The following CXCL12 variants were observed in gnomAD, a reference collection of about 807,000 sequenced individuals.
CXCL12 encodes stromal cell-derived factor 1.
A neutral mutation model predicts 10.7 loss-of-function variants in CXCL12; 4 were observed. The observed-to-expected ratio is 0.37, with a 90% CI of 0.18 to 0.86. The LOEUF (loss-of-function observed/expected upper bound fraction) is 0.86, where lower values mean the gene tolerates loss of function less well. CXCL12 is among the 40% of genes least tolerant of loss of function. The probability of loss-of-function intolerance (pLI) is 0.43; values close to 1 mark genes in which losing one functional copy is unlikely to be tolerated. For missense variants in CXCL12, 122 were observed against 110.4 expected (o/e 1.10, Z -0.47); for synonymous variants, 54 against 45.4 (o/e 1.19, Z -0.77).
intron 1 of CXCL12, 27 bp downstream of exon 1, chr10:44,384,918 C>G (rs767905769): frequency 6.5e-7 from 1 of 1,527,234 alleles, no homozygotes; most frequent in Non-Finnish European, 8.7e-7. Context: ...AGAGCCTCGC[C>G]AGGGCCTCCC....
Position 44,378,675 on chromosome 10 carries a change from T to A in CXCL12, c.228A>T (p.Leu76=), listed in dbSNP as rs772680533. 1.2e-6 allele frequency: 2 copies of A among 1,614,230 alleles called. No homozygotes were observed. Among genetic ancestry groups the A allele is most frequent in the Non-Finnish European group, 1.7e-6 (2 of 1,180,046 alleles). Residue 76 remains leucine, a synonymous_variant, in exon 3 of 3, where the codon CTA becomes CTT. Coordinates refer to ENST00000343575, the MANE Select transcript of CXCL12 (RefSeq NM_199168.4). ...NNRQVCIDPK[L]KWIQEYLEKA... is the part of the protein sequence containing the mutation. ...TCTCCAGGTACTCCTGAATCCACTT[T>A]AGCTTCGGGTCAATGCACACTTGTC...
intron 1 of CXCL12, among the ~76,000 whole-genome samples, chr10:44,381,338 C>G (rs1160761902): frequency 2.0e-5 from 3 of 152,238 alleles, no homozygotes; most frequent in African/African-American, 7.2e-5. Context: ...TCTCCTCTGG[C>G]ACAGGCCTCT....
chr10:44,375,778 A>T, downstream of CXCL12: 1 of 1,394,636 alleles, frequency 7.2e-7, no homozygotes, highest in Non-Finnish European at 9.5e-7. Context: ...GCACATAAAT[A>T]CAGAAGCCGG....
downstream of CXCL12, chr10:44,372,954 A>G: frequency 6.5e-7 from 1 of 1,535,906 alleles, no homozygotes; most frequent in Non-Finnish European, 8.7e-7. Context: ...TCTCCACCCT[A>G]GGGCTGACCA....
chr10:44,378,781 C>A (rs958441574), intron 2 of CXCL12, 58 bp from the exon 3 acceptor site: 1 of 1,542,436 alleles, frequency 6.5e-7, no homozygotes, highest in Non-Finnish European at 9.0e-7. Flanking sequence ...GCGGCTGCAA[C>A]GTGTGCATCC....
In CXCL12 at chr10:44,377,459, C is replaced by A; in HGVS notation, c.*1174G>T. 1 of 1,239,242 alleles carries A rather than the reference C, an allele frequency of 8.1e-7. No homozygotes were observed. The highest frequency in any genetic ancestry group is 1.0e-6 in the Non-Finnish European group (1 of 990,104). The allele number at this position is 1,239,242 out of a possible 1,614,324, so 76.8% of individuals were successfully genotyped here. A position where few individuals can be genotyped will look rare whatever the true frequency, so the allele number is the denominator to read the frequency against. ...CCTTGCAAAAAGTTACAAATACCAC[C>A]AGGACCTTCTGTGGATCGCATTTAT... On this transcript the variant is annotated 3_prime_UTR_variant, in exon 3 of 3. Coordinates refer to ENST00000343575, the MANE Select transcript of CXCL12 (RefSeq NM_199168.4).
At chr10:44,370,694 CTT>C (rs1839293992) in exon 4 of CXCL12, 1 of 152,276 alleles carries the variant, frequency 6.6e-6, no homozygotes, top group Non-Finnish European at 1.5e-5. Context: ...AATGGAAAGA[CTT>C]AGAACATCTA....
downstream of CXCL12, chr10:44,376,119 T>C (rs530876601): frequency 6.9e-7 from 1 of 1,447,102 alleles, no homozygotes; most frequent in South Asian, 1.2e-5. Context: ...CTGGCCCGTG[T>C]ACTGGTTAAA....
downstream of CXCL12, chr10:44,376,951 G>A (rs1418280923): frequency 4.6e-6 from 1 of 217,098 alleles, no homozygotes; most frequent in African/African-American, 2.4e-5. Context: ...TTGAGCTGCA[G>A]ATCTAATCTG....
At chr10:44,375,503 A>G (rs1003082111), downstream of CXCL12, among the ~76,000 whole-genome samples, 5 of 152,124 alleles carry the variant, frequency 3.3e-5, no homozygotes, top group African/African-American at 1.2e-4. Flanking sequence ...GTTGCCCTGC[A>G]CACTGGCCAG....
Position 44,380,778 on chromosome 10 carries a change from C to G in CXCL12, c.164G>C (p.Cys55Ser). The change falls in exon 2 of 3, where the codon TGT (cysteine) becomes TCT (serine). Residue 55 changes from cysteine (C) to serine (S), a missense_variant. Physicochemically the swap from Cys to Ser is moderately radical, Grantham distance 112. Transcript: ENST00000343575. ...CAAGACTTACACAATCTGAAGGGCA[C>G]AGTTTGGAGTGTTGAGAATTTTGAG... ...KHLKILNTPN[C>S]ALQIVARLKN... 6.2e-7 allele frequency: 1 copy of G among 1,613,734 alleles called. No individual in the cohort carries two copies. Among genetic ancestry groups the G allele is most frequent in the Non-Finnish European group, 8.5e-7 (1 of 1,179,592 alleles).
downstream of CXCL12, chr10:44,372,618 C>T: frequency 7.5e-6 from 10 of 1,327,582 alleles, no homozygotes; most frequent in Non-Finnish European, 8.7e-6. Flanking sequence ...AAGCTTTGGT[C>T]CTGAGAGTCC....
At chr10:44,372,809 C>T (rs1801157), downstream of CXCL12, 282,022 of 1,472,396 alleles carry the variant, frequency 0.19, 28,295 homozygotes, top group East Asian at 0.3. Context: ...GAGGCAGACC[C>T]GGCTCCCATG....
Position 44,379,056 on chromosome 10 carries a change from C to T in CXCL12, c.180-333G>A, listed in dbSNP as rs577454205. Among the ~76,000 whole-genome samples, 46 of 152,088 alleles carry T rather than the reference C, an allele frequency of 3.0e-4. 1 individual carries two copies. In the South Asian group the frequency reaches 9.3e-3, roughly 31 times the overall value. On this transcript the variant is annotated intron_variant, in intron 2 of 2. Transcript: ENST00000343575. ...GGGAAGGGAAAATCAGGAGCAAATACGCCAGGGGGGTCATCAAAGCATACA... is the reference window on the plus strand; with the variant it reads ...GGGAAGGGAAAATCAGGAGCAAATATGCCAGGGGGGTCATCAAAGCATACA...
At chr10:44,380,248 C>T (rs1379219980) in intron 2 of CXCL12, among the ~76,000 whole-genome samples, 1 of 152,246 alleles carries the variant, frequency 6.6e-6, no homozygotes, top group African/African-American at 2.4e-5. Flanking sequence ...CTGCCATCCA[C>T]ACCAAATAAC....
rs540125302 is a variant in CXCL12, at chr10:44,377,487, A to G, written c.*1146T>C. On this transcript the variant is annotated 3_prime_UTR_variant, in exon 3 of 3. Transcript: ENST00000343575. ...GACCTTCTGTGGATCGCATTTATGC[A>G]TGGAAATGTCACCTTGCCAACAGTT... The G allele has an allele frequency of 3.7e-6, 5 of 1,336,768 alleles. No homozygotes were observed. The South Asian group carries it at 6.7e-5, about 18-fold the overall frequency. 82.8% of individuals were successfully genotyped at this position (1,336,768 alleles called of 1,614,324 possible). A position where few individuals can be genotyped will look rare whatever the true frequency, so the allele number is the denominator to read the frequency against.
rs1018222512 is a variant in CXCL12 at position 44,378,414 on chromosome 10, G to A, written c.*219C>T. 78 of 1,551,930 alleles carry A rather than the reference G, an allele frequency of 5.0e-5. No individual in the cohort carries two copies. The highest frequency in any genetic ancestry group is 6.5e-5 in the Non-Finnish European group (75 of 1,151,738). ...TCCAACGTGCACAGGTACAGGGCAT[G>A]GATGAATATAAGCTGCAATATCATA... On this transcript the variant is annotated 3_prime_UTR_variant, in exon 3 of 3. Transcript: ENST00000343575.
At position 44,377,673 on chromosome 10, in the gene CXCL12, T is replaced by G; in HGVS notation, c.*960A>C. 1 of 1,573,558 alleles carries G rather than the reference T, an allele frequency of 6.4e-7. No homozygotes were observed. The highest frequency in any genetic ancestry group is 1.2e-5 in the South Asian group (1 of 86,878). Reference sequence around the variant, plus strand: ...AGAGGCAATCACAAAACCCAGTCACTCAAAGCGAGCTCTCAGATTTAAAAT... The same window carrying G: ...AGAGGCAATCACAAAACCCAGTCACGCAAAGCGAGCTCTCAGATTTAAAAT... On this transcript the variant is annotated 3_prime_UTR_variant, in exon 3 of 3. Transcript: ENST00000343575.
chr10:44,374,868 A>G (rs1321339199), downstream of CXCL12: 3 of 366,536 alleles, frequency 8.2e-6, no homozygotes, highest in Non-Finnish European at 1.6e-5. Flanking sequence ...TCCGAGCACT[A>G]CTGAAATGGG....
Sources: gnomAD v4.1 joint callset for allele counts (sites outside exome capture counted in the v4.1 genomes callset) on GRCh38, gnomAD v4.1.1 for gene constraint, MANE v1.5 for transcripts, NCBI Gene and HGNC (gene_info 2026-07-23, HGNC 2026-07-21) for gene names.